UBE4A: variants seen among roughly 807,000 people sequenced by gnomAD.
The protein encoded by UBE4A is ubiquitination factor E4A.
In UBE4A, 48 loss-of-function variants were observed where a neutral mutation model predicts 117.9. The observed-to-expected ratio is 0.41, with a 90% CI of 0.32 to 0.52. UBE4A has a LOEUF of 0.52. Ranked by LOEUF, UBE4A falls within the 20% of genes least tolerant of loss-of-function variation. The pLI is 0.33. For missense variants in UBE4A, 1,067 were observed against 1,296.3 expected, an observed-to-expected ratio of 0.82 and a Z score of 2.72; for synonymous variants, 407 against 450.0, an observed-to-expected ratio of 0.90 and a Z score of 1.21.
At chr11:118,369,594 TCTG>T in intron 4 of UBE4A, 59 bp downstream of exon 4, 1 of 1,277,910 alleles carries the variant, frequency 7.8e-7, no homozygotes, top group Non-Finnish European at 1.1e-6. Flanking sequence ...GCGGCTGAAT[TCTG>T]CTCACTGTTC....
At chr11:118,367,309 G>A (rs1373020783) in intron 2 of UBE4A, among the ~76,000 whole-genome samples, 1 of 150,736 alleles carries the variant, frequency 6.6e-6, no homozygotes, top group Non-Finnish European at 1.5e-5. Context: ...GAATAAAAAG[G>A]TACAAAAGAT....
Position 118,397,747 on chromosome 11 carries a change from T to G in UBE4A, c.*1307T>G, listed in dbSNP as rs1366070151. On this transcript the variant is annotated 3_prime_UTR_variant, in exon 20 of 20. Coordinates refer to ENST00000252108, the MANE Select transcript of UBE4A (RefSeq NM_001204077.2). ...GATAGGATCAAGAAATGGGTGTCACTGCTTCATTTGGAACATGTTATTAAC... is the reference window on the plus strand; with the variant it reads ...GATAGGATCAAGAAATGGGTGTCACGGCTTCATTTGGAACATGTTATTAAC... 1 of 152,266 alleles carries G rather than the reference T, an allele frequency of 6.6e-6. No homozygotes were observed. Among genetic ancestry groups the G allele is most frequent in the Non-Finnish European group, 1.5e-5 (1 of 68,046 alleles). The allele number at this position is 152,266 out of a possible 1,614,324, so 9.4% of individuals were successfully genotyped here. A position where few individuals can be genotyped will look rare whatever the true frequency, so the allele number is the denominator to read the frequency against.
At chr11:118,374,091 A>G (rs1473925377) in intron 8 of UBE4A, among the ~76,000 whole-genome samples, 2 of 151,970 alleles carry the variant, frequency 1.3e-5, no homozygotes, top group African/African-American at 2.4e-5. Flanking sequence ...TCCGGCCTGG[A>G]TGACAGAAGA....
chr11:118,372,174 G>A (rs45468196), intron 5 of UBE4A, among the ~76,000 whole-genome samples: 3,784 of 152,312 alleles, frequency 0.025, 72 homozygotes, highest in Non-Finnish European at 0.037. Context: ...AGAATCACTT[G>A]AACCTGGGAG....
intron 19 of UBE4A, among the ~76,000 whole-genome samples, chr11:118,394,820 A>G (rs1555129272): frequency 6.6e-6 from 1 of 151,482 alleles, no homozygotes; most frequent in Non-Finnish European, 1.5e-5. Flanking sequence ...AATTATTTTT[A>G]ATTAGCCAAG....
At chr11:118,389,948 T>C (rs1948797096) in intron 17 of UBE4A, 43 bp downstream of exon 17, 1 of 1,491,772 alleles carries the variant, frequency 6.7e-7, no homozygotes, top group African/African-American at 1.4e-5. Flanking sequence ...GGATGCTGTT[T>C]TGATTTAGGG....
intron 2 of UBE4A, among the ~76,000 whole-genome samples, chr11:118,366,426 C>T (rs1015338073): frequency 3.9e-5 from 6 of 152,206 alleles, no homozygotes; most frequent in Admixed American, 3.3e-4. Context: ...AGTATAGCAG[C>T]TGAGCAACAG....
chr11:118,384,262 T>C (rs569974656), intron 13 of UBE4A, among the ~76,000 whole-genome samples: 18 of 152,348 alleles, frequency 1.2e-4, no homozygotes, highest in African/African-American at 4.3e-4. Flanking sequence ...ATGTGGGAAT[T>C]GCTTAGTGTC....
chr11:118,368,615 A>G lies in UBE4A; in HGVS notation c.122-16A>G, dbSNP rs1236800564. On this transcript the variant is annotated splice_polypyrimidine_tract_variant and intron_variant, in intron 2 of 19. Transcript: ENST00000252108. ...TTAAAGGGGTGTAACATTTAACAGT[A>G]TACATTTTCTGGCAGATGAACTCCC... 3.7e-6 allele frequency: 6 copies of G among 1,613,852 alleles called. No homozygotes were observed. The highest frequency in any genetic ancestry group is 3.3e-4 in the Middle Eastern group (2 of 6,060).
chr11:118,371,719 A>C (rs1591297015), intron 5 of UBE4A, 53 bp downstream of exon 5: 2 of 1,544,914 alleles, frequency 1.3e-6, no homozygotes, highest in East Asian at 4.5e-5. Flanking sequence ...GTATGACTTC[A>C]GCATGTGGGC....
rs747219292 is a variant in UBE4A at position 118,369,421 on chromosome 11, A to C, written c.296-2A>C. On this transcript the variant is annotated splice_acceptor_variant, in intron 3 of 19. Transcript: ENST00000252108. LOFTEE classifies it high-confidence loss of function. Reference sequence around the variant, plus strand: ...ACCTATCATATTAAAACCATTTCCCAGGTGATCCCAGCTTGAAAAGCGGGA... The same window carrying C: ...ACCTATCATATTAAAACCATTTCCCCGGTGATCCCAGCTTGAAAAGCGGGA... 2.5e-6 allele frequency: 4 copies of C among 1,611,726 alleles called. No individual in the cohort carries two copies. The highest frequency in any genetic ancestry group is 3.4e-6 in the Non-Finnish European group (4 of 1,177,850).
chr11:118,389,229 C>CTA (rs1948788830), intron 16 of UBE4A, among the ~76,000 whole-genome samples: 1 of 152,164 alleles, frequency 6.6e-6, no homozygotes, highest in Non-Finnish European at 1.5e-5. Flanking sequence ...CTTAACTAGC[C>CTA]ACATGTGGCT....
At chr11:118,384,319 C>T (rs554030371) in intron 13 of UBE4A, among the ~76,000 whole-genome samples, 1 of 152,300 alleles carries the variant, frequency 6.6e-6, no homozygotes, top group South Asian at 2.1e-4. Flanking sequence ...GCCCTGAGCC[C>T]TCATTTAAAG....
intron 18 of UBE4A, among the ~76,000 whole-genome samples, chr11:118,392,434 G>A (rs1948827937): frequency 6.6e-6 from 1 of 152,184 alleles, no homozygotes. Context: ...CAACAGAACT[G>A]TTGCCAGATG....
At chr11:118,369,229 A>G (rs1399940218) in intron 3 of UBE4A, among the ~76,000 whole-genome samples, 194 bp from the exon 4 acceptor site, 1 of 152,208 alleles carries the variant, frequency 6.6e-6, no homozygotes, top group Non-Finnish European at 1.5e-5. Context: ...TGCTAGGTTT[A>G]TAACAAATCC....
intron 2 of UBE4A, among the ~76,000 whole-genome samples, 173 bp from the exon 3 acceptor site, chr11:118,368,458 G>A (rs1056638233): frequency 6.6e-6 from 1 of 152,156 alleles, no homozygotes; most frequent in Non-Finnish European, 1.5e-5. Flanking sequence ...TTATAGCCAG[G>A]AATTTCAAAA....
At chr11:118,371,773 A>G (rs1345789527) in intron 5 of UBE4A, 107 bp downstream of exon 5, 4 of 1,254,996 alleles carry the variant, frequency 3.2e-6, no homozygotes, top group South Asian at 1.6e-5. Flanking sequence ...ATGTCATAGT[A>G]TGTCTAGAAG....
At position 118,374,940 on chromosome 11, in the gene UBE4A, C is replaced by T; in HGVS notation, c.1161C>T (p.Asn387=). 6.4e-7 allele frequency: 1 copy of T among 1,561,694 alleles called. No homozygotes were observed. ...FHEKIYQMLK[N]LLQLSPETKH... ...AAAAGATCTACCAGATGCTGAAGAA[C>T]TTACTCCAGCTCTCTCCAGAAACCA... Residue 387 remains asparagine (N), a synonymous_variant, in exon 9 of 20, where the codon AAC becomes AAT. Coordinates refer to ENST00000252108, the MANE Select transcript of UBE4A (RefSeq NM_001204077.2).
In UBE4A at chr11:118,369,593, T is replaced by C. The variant is rs1331988144; in HGVS notation, c.408+58T>C. 6 of 1,271,216 alleles carry C rather than the reference T, an allele frequency of 4.7e-6. No individual in the cohort carries two copies. In the East Asian group the frequency reaches 1.4e-4, roughly 30 times the overall value. 78.7% of individuals were successfully genotyped at this position (1,271,216 alleles called of 1,614,324 possible). On this transcript the variant is annotated intron_variant, in intron 4 of 19. Transcript: ENST00000252108. ...AGCAAAAATTAGCTATGCGGCTGAA[T>C]TCTGCTCACTGTTCTCCAACTTATG...
Sources: allele counts gnomAD v4.1 joint callset (sites outside exome capture counted in the v4.1 genomes callset), GRCh38; gene constraint gnomAD v4.1.1; transcripts MANE v1.5; gene names NCBI Gene and HGNC (gene_info 2026-07-23, HGNC 2026-07-21).